The following ADGRG2 variants were observed in gnomAD, a reference collection of about 807,000 sequenced individuals.
ADGRG2 encodes the protein adhesion G protein-coupled receptor G2, also known as G protein-coupled receptor 64.
A neutral mutation model predicts 74.1 loss-of-function variants in ADGRG2; 26 were observed. That is an observed-to-expected ratio of 0.35 (90% CI 0.26 to 0.49). ADGRG2 has a LOEUF of 0.49. Among genes scored for constraint, ADGRG2 ranks in the 20% least tolerant of loss-of-function variants. The pLI is 0.99. For missense variants in ADGRG2, 619 were observed against 763.1 expected, an observed-to-expected ratio of 0.81 and a Z score of 2.22; for synonymous variants, 296 against 295.2, an observed-to-expected ratio of 1.00 and a Z score of -0.03.
chrX:19,013,611 A>T (rs912736728), intron 16 of ADGRG2, 75 bp downstream of exon 16: 1 of 899,626 alleles, frequency 1.1e-6, no homozygotes, highest in Admixed American at 3.3e-5. Flanking sequence ...CGAACATCAT[A>T]CAAAGAAAGG....
At chrX:19,022,935 G>C (rs1275213271) in intron 13 of ADGRG2, among the ~76,000 whole-genome samples, 1 of 112,365 alleles carries the variant, frequency 8.9e-6, no homozygotes, top group Non-Finnish European at 1.9e-5. Flanking sequence ...GACTTCAAGT[G>C]ATCTGCCCAC....
chrX:19,075,016 T>C (rs774443320), intron 2 of ADGRG2, among the ~76,000 whole-genome samples: 1 of 110,794 alleles, frequency 9.0e-6, no homozygotes, highest in South Asian at 3.8e-4. Flanking sequence ...GAGGCAAACC[T>C]GAGTTTCAAA....
At chrX:19,095,356 G>A (rs949091662) in intron 1 of ADGRG2, among the ~76,000 whole-genome samples, 2 of 111,204 alleles carry the variant, frequency 1.8e-5, no homozygotes, top group East Asian at 2.8e-4. Flanking sequence ...GAGGTGCCCC[G>A]GGCCTGCCTG....
intron 1 of ADGRG2, among the ~76,000 whole-genome samples, chrX:19,118,670 C>T (rs760490309): frequency 2.7e-5 from 3 of 112,268 alleles, no homozygotes; most frequent in South Asian, 7.4e-4. Context: ...AATCCAGGCA[C>T]GAGCCACTGT....
At chrX:19,108,217 A>G (rs2062349107) in intron 1 of ADGRG2, among the ~76,000 whole-genome samples, 1 of 110,603 alleles carries the variant, frequency 9.0e-6, no homozygotes, top group East Asian at 2.8e-4. Context: ...CTGTAATCCC[A>G]GCAGTTTAGG....
At chrX:19,114,076 A>C (rs1233603735) in intron 1 of ADGRG2, among the ~76,000 whole-genome samples, 1 of 107,066 alleles carries the variant, frequency 9.3e-6, no homozygotes, top group Admixed American at 1.0e-4. Context: ...TGTCTCAAAA[A>C]AAAAAAAAAA....
intron 16 of ADGRG2, among the ~76,000 whole-genome samples, chrX:19,011,760 G>A (rs772629153): frequency 8.9e-6 from 1 of 111,911 alleles, no homozygotes; most frequent in Non-Finnish European, 1.9e-5. Context: ...CACAAGAATC[G>A]CTTGAACCCA....
chrX:19,009,212 C>T (rs1403798325), intron 18 of ADGRG2, among the ~76,000 whole-genome samples: 1 of 107,183 alleles, frequency 9.3e-6, no homozygotes, highest in African/African-American at 3.4e-5. Flanking sequence ...GAATATTACT[C>T]TGTCGCTCAG....
At chrX:19,064,873 T>C (rs973961624) in intron 3 of ADGRG2, among the ~76,000 whole-genome samples, 7 of 111,539 alleles carry the variant, frequency 6.3e-5, no homozygotes, top group Admixed American at 4.8e-4. Context: ...AAGCTGATAA[T>C]AGTGCCTTTT....
rs1243499570 is a variant in ADGRG2, at chrX:18,996,063, C to T, written c.2704G>A (p.Ala902Thr). ...GGTAAATCTTTACCAGAATTTTCAG[C>T]CAGCCGTAACTTTCCACAACAAAGA... is the stretch of plus-strand genomic sequence containing the variant. ...RYLCCGKLRL[A>T]ENSDWSKTAT... Residue 902 changes from alanine to threonine, a missense_variant, in exon 27 of 29, where the codon GCT (alanine) becomes ACT (threonine). Physicochemically the swap from Ala to Thr is moderately conservative, Grantham distance 58. This residue lies in a region of ADGRG2 where 106 missense variants were observed against 104.5 expected (regional missense o/e 1.01). Transcript: ENST00000379869. 3 of 1,133,300 alleles carry T rather than the reference C, an allele frequency of 2.6e-6. No homozygotes were observed. The highest frequency in any genetic ancestry group is 2.2e-5 in the Admixed American group (1 of 45,358). The allele number at this position is 1,133,300 out of a possible 1,213,427, so 93.4% of individuals were successfully genotyped here. A position where few individuals can be genotyped will look rare whatever the true frequency, so the allele number is the denominator to read the frequency against.
intron 11 of ADGRG2, among the ~76,000 whole-genome samples, chrX:19,024,292 G>C (rs2060655667): frequency 9.0e-6 from 1 of 110,978 alleles, no homozygotes; most frequent in East Asian, 2.9e-4. Flanking sequence ...ATTTTCGAGA[G>C]GGGCAGGCCA....
chrX:19,090,718 T>G (rs919060059), intron 1 of ADGRG2, among the ~76,000 whole-genome samples: 2 of 107,823 alleles, frequency 1.9e-5, no homozygotes, highest in Non-Finnish European at 3.8e-5. Flanking sequence ...ATTTTTTTTT[T>G]GCACTTTTTA....
At chrX:19,093,004 T>C (rs2062037069) in intron 1 of ADGRG2, among the ~76,000 whole-genome samples, 1 of 111,881 alleles carries the variant, frequency 8.9e-6, no homozygotes, top group Non-Finnish European at 1.9e-5. Context: ...GCCTTCACCT[T>C]TATATTAACA....
chrX:19,040,307 CAAAT>C (rs2061032005), intron 3 of ADGRG2, 83 bp from the exon 4 acceptor site: 2 of 626,715 alleles, frequency 3.2e-6, no homozygotes, highest in East Asian at 3.5e-5. Flanking sequence ...GATTTTTTGT[CAAAT>C]AAGTAGGTTT....
At chrX:19,119,283 C>T (rs989760622) in intron 1 of ADGRG2, among the ~76,000 whole-genome samples, 14 of 112,142 alleles carry the variant, frequency 1.2e-4, no homozygotes, top group African/African-American at 4.5e-4. Flanking sequence ...TATTTGATTG[C>T]GGGAATTTAT....
chrX:19,121,450 C>T (rs908893545), intron 1 of ADGRG2, among the ~76,000 whole-genome samples: 3 of 111,287 alleles, frequency 2.7e-5, no homozygotes, highest in African/African-American at 9.8e-5. Flanking sequence ...AGTGTTTTTG[C>T]GTGCGTTTGG....
intron 1 of ADGRG2, among the ~76,000 whole-genome samples, chrX:19,088,233 T>A (rs1277642700): frequency 1.8e-5 from 2 of 112,708 alleles, no homozygotes; most frequent in Non-Finnish European, 3.7e-5. Flanking sequence ...CTTGATTTTT[T>A]AAATGCAAGT....
intron 1 of ADGRG2, among the ~76,000 whole-genome samples, chrX:19,115,097 TA>T (rs1569155492): frequency 8.9e-6 from 1 of 112,089 alleles, no homozygotes; most frequent in African/African-American, 3.2e-5. Context: ...GTGTATTGGT[TA>T]ATGAACTGCT....
At chrX:19,048,826 C>A (rs1415623000) in intron 3 of ADGRG2, among the ~76,000 whole-genome samples, 1 of 112,201 alleles carries the variant, frequency 8.9e-6, no homozygotes, top group African/African-American at 3.2e-5. Context: ...GGTGTAACTT[C>A]CGAAGGCTGG....
Sources: gnomAD v4.1 joint callset for allele counts (sites outside exome capture counted in the v4.1 genomes callset) on GRCh38, gnomAD v4.1.1 for gene constraint, gnomAD v4.1.1 regional missense constraint, MANE v1.5 for transcripts, NCBI Gene and HGNC (gene_info 2026-07-23, HGNC 2026-07-21) for gene names.